Variants in FRAS1 observed in about 807,000 individuals in gnomAD.
The protein encoded by FRAS1 is extracellular matrix organizing protein FRAS1.
Under a neutral mutation model 435.2 loss-of-function variants are expected in FRAS1, and 290 were observed. That is an observed-to-expected ratio of 0.67 (90% CI 0.61 to 0.73). The LOEUF is 0.73. Among genes scored for constraint, FRAS1 ranks in the 30% least tolerant of loss-of-function variants. The pLI is 0.00. For missense variants in FRAS1, 4,860 were observed against 5,001.5 expected, an observed-to-expected ratio of 0.97 and a Z score of 0.85; for synonymous variants, 1,800 against 1,851.0, an observed-to-expected ratio of 0.97 and a Z score of 0.71.
chr4:78,429,279 C>T (rs1054203559), intron 36 of FRAS1, 53 bp downstream of exon 36: 3 of 1,555,460 alleles, frequency 1.9e-6, no homozygotes, highest in East Asian at 2.3e-5. Flanking sequence ...GATCATATTG[C>T]TGCCCCTCTT....
chr4:78,520,449 A>G lies in FRAS1; in HGVS notation c.10540+968A>G, dbSNP rs145350149. On this transcript the variant is annotated intron_variant, in intron 67 of 73. Coordinates refer to ENST00000512123, the MANE Select transcript of FRAS1 (RefSeq NM_025074.7). ...TTTCTTTTGAGAAAGCTTCATCTCT[A>G]CTAATTGAAATTACAGTCATCATTC... 9.3e-3 allele frequency among the ~76,000 whole-genome samples: 1,407 copies of G among 152,090 alleles called. 7 individuals are homozygous for G. The highest frequency in any genetic ancestry group is 0.031 in the Middle Eastern group (9 of 294).
At chr4:78,136,588 C>T (rs1009935095) in intron 2 of FRAS1, among the ~76,000 whole-genome samples, 4 of 152,124 alleles carry the variant, frequency 2.6e-5, no homozygotes, top group Non-Finnish European at 5.9e-5. Context: ...TTAGACAGCA[C>T]GCAGTCTAAT....
intron 1 of FRAS1, among the ~76,000 whole-genome samples, chr4:78,062,728 G>A (rs1739812762): frequency 6.6e-6 from 1 of 152,170 alleles, no homozygotes; most frequent in Non-Finnish European, 1.5e-5. Context: ...TAAATTTTAT[G>A]CAGTAACGTT....
chr4:78,091,155 T>C (rs921637130), intron 2 of FRAS1, among the ~76,000 whole-genome samples: 3 of 152,106 alleles, frequency 2.0e-5, no homozygotes, highest in Non-Finnish European at 2.9e-5. Flanking sequence ...TAGATGCATT[T>C]TTTTTTTATT....
intron 37 of FRAS1, among the ~76,000 whole-genome samples, chr4:78,430,725 A>G (rs1734185536): frequency 6.6e-6 from 1 of 152,182 alleles, no homozygotes; most frequent in Non-Finnish European, 1.5e-5. Context: ...ATGAGGGATC[A>G]GCTGCCACTT....
chr4:78,089,721 G>C (rs1294547537), intron 2 of FRAS1, among the ~76,000 whole-genome samples: 6 of 152,086 alleles, frequency 3.9e-5, no homozygotes, highest in Non-Finnish European at 7.4e-5. Context: ...ATAGAAATTG[G>C]ATACAGCTCT....
Position 78,333,232 on chromosome 4 carries a change from G to T in FRAS1, c.2138-40G>T, listed in dbSNP as rs1376449951. 4 of 1,584,600 alleles carry T rather than the reference G, an allele frequency of 2.5e-6. No homozygotes were observed. In the African/African-American group the frequency reaches 5.4e-5, roughly 21 times the overall value. On this transcript the variant is annotated intron_variant, in intron 18 of 73. Transcript: ENST00000512123. The stretch of plus-strand genomic sequence containing the variant: ...TAGAGTTACTGTCTGTGTCACGTGG[G>T]GCTTTCCTGATTGTCTCCTTTGCTT...
chr4:78,248,455 G>A (rs1477411092), intron 4 of FRAS1, among the ~76,000 whole-genome samples: 1 of 152,140 alleles, frequency 6.6e-6, no homozygotes, highest in East Asian at 1.9e-4. Context: ...CTGAGTAGAT[G>A]GGGCTTGAAG....
chr4:78,385,742 G>A (rs936853767), intron 28 of FRAS1, among the ~76,000 whole-genome samples: 13 of 151,920 alleles, frequency 8.6e-5, no homozygotes, highest in Admixed American at 3.9e-4. Context: ...AAAATTAGCC[G>A]GGCATGGTGG....
intron 22 of FRAS1, among the ~76,000 whole-genome samples, chr4:78,365,765 A>T (rs2110298938): frequency 6.7e-6 from 1 of 149,394 alleles, no homozygotes; most frequent in East Asian, 2.0e-4. Flanking sequence ...AAAAAAAAAC[A>T]GCCTGACCAA....
At chr4:78,426,983 G>A (rs545967767) in intron 35 of FRAS1, among the ~76,000 whole-genome samples, 6 of 152,230 alleles carry the variant, frequency 3.9e-5, no homozygotes, top group South Asian at 2.1e-4. Context: ...CCCTCCTCCT[G>A]TAAAATAAGG....
chr4:78,171,232 T>G (rs1721541282), intron 2 of FRAS1, among the ~76,000 whole-genome samples: 3 of 152,080 alleles, frequency 2.0e-5, no homozygotes, highest in Non-Finnish European at 4.4e-5. Context: ...TTCACATCAA[T>G]TCTGCTTTCC....
chr4:78,247,400 A>G (rs1358110425), intron 4 of FRAS1, among the ~76,000 whole-genome samples: 1 of 152,206 alleles, frequency 6.6e-6, no homozygotes, highest in Non-Finnish European at 1.5e-5. Flanking sequence ...TTTTGGGGAA[A>G]AAATCTCTAG....
chr4:78,372,901 G>A (rs1169850665), intron 24 of FRAS1, 43 bp downstream of exon 24: 3 of 1,595,232 alleles, frequency 1.9e-6, no homozygotes, highest in Non-Finnish European at 2.6e-6. Flanking sequence ...CCATACCTTG[G>A]CCACCTCTGA....
At chr4:78,181,814 C>A (rs1369673328) in intron 2 of FRAS1, 11 of 1,612,002 alleles carry the variant, frequency 6.8e-6, no homozygotes, top group Non-Finnish European at 8.5e-6. Flanking sequence ...CGGGTTCTTG[C>A]GGTCTTTCTG....
At chr4:78,123,641 C>T (rs113066088) in intron 2 of FRAS1, among the ~76,000 whole-genome samples, 2 of 152,280 alleles carry the variant, frequency 1.3e-5, no homozygotes, top group East Asian at 1.9e-4. Flanking sequence ...TTTGTGTCCT[C>T]TCTTATTTTC....
At position 78,499,891 on chromosome 4, in the gene FRAS1, C is replaced by G. The variant is rs780799893; in HGVS notation, c.9286C>G (p.Pro3096Ala). 4 of 1,581,362 alleles carry G rather than the reference C, an allele frequency of 2.5e-6. No individual in the cohort carries two copies. The Admixed American group carries it at 5.1e-5, about 20-fold the overall frequency. The change falls in exon 61 of 74, where the codon CCA becomes GCA. Residue 3096 changes from proline (P) to alanine (A), a missense_variant. By Grantham distance (27) the Pro-to-Ala change is conservative. Coordinates refer to ENST00000512123, the MANE Select transcript of FRAS1 (RefSeq NM_025074.7). ...TGCCCAGTCTGGTGTGGATTATTAC[C>G]CAAAGAGCCGAGTCTTGAAGTTCAG... ...GSAQSGVDYY[P>A]KSRVLKFSPG...
rs186175698 is a variant in FRAS1, at chr4:78,333,850, G to C, written c.2278+438G>C. On this transcript the variant is annotated intron_variant, in intron 19 of 73. Transcript: ENST00000512123. The stretch of plus-strand genomic sequence containing the variant: ...AGGGTTCTGCTGTTGCCAAGCTGGA[G>C]TGCAGTGGTGTGATCACAGCTCACT... 6.7e-4 allele frequency among the ~76,000 whole-genome samples: 102 copies of C among 152,318 alleles called. 1 individual carries two copies. In the Middle Eastern group the frequency reaches 0.027, roughly 41 times the overall value.
intron 2 of FRAS1, among the ~76,000 whole-genome samples, chr4:78,140,919 G>C (rs1720155047): frequency 6.6e-6 from 1 of 152,070 alleles, no homozygotes; most frequent in African/African-American, 2.4e-5. Flanking sequence ...TTTCTTTTGA[G>C]AGAGGAAATG....
Sources: gnomAD v4.1 joint callset for allele counts (sites outside exome capture counted in the v4.1 genomes callset) on GRCh38, gnomAD v4.1.1 for gene constraint, MANE v1.5 for transcripts, NCBI Gene and HGNC (gene_info 2026-07-23, HGNC 2026-07-21) for gene names.